ZNF475: variants seen among roughly 807,000 people sequenced by gnomAD.
The protein encoded by ZNF475 is zinc finger protein 475.
At chr5:122,163,345 A>G in the ZNF475 span, 17 of 152,374 alleles carry the variant, frequency 1.1e-4, 1 homozygote, top group South Asian at 6.2e-4. Flanking sequence ...GTAAATGCTG[A>G]TAATTAGTTG....
chr5:122,178,834 G>A, the ZNF475 span, among the ~76,000 whole-genome samples: 3 of 152,094 alleles, frequency 2.0e-5, no homozygotes, highest in South Asian at 2.1e-4. Flanking sequence ...GAATGGTATT[G>A]CCTAGGTTTT....
the ZNF475 span, among the ~76,000 whole-genome samples, chr5:122,173,443 A>G: frequency 6.6e-6 from 1 of 152,194 alleles, no homozygotes; most frequent in African/African-American, 2.4e-5. Context: ...TAGTGATATT[A>G]TGACTATTTA....
chr5:122,173,542 A>G, the ZNF475 span, among the ~76,000 whole-genome samples: 1 of 152,374 alleles, frequency 6.6e-6, no homozygotes, highest in South Asian at 2.1e-4. Context: ...CCTGTGTGTT[A>G]CACAAACCTG....
the ZNF475 span, among the ~76,000 whole-genome samples, chr5:122,167,187 C>T: frequency 6.6e-6 from 1 of 152,174 alleles, no homozygotes; most frequent in Non-Finnish European, 1.5e-5. Context: ...GACAAGATGC[C>T]ATGCACGTGG....
chr5:122,167,119 G>A, the ZNF475 span, among the ~76,000 whole-genome samples: 1 of 152,148 alleles, frequency 6.6e-6, no homozygotes, highest in South Asian at 2.1e-4. Context: ...AGGAAGGGAT[G>A]CAGTTTCAGC....
At chr5:122,163,794 T>A in the ZNF475 span, among the ~76,000 whole-genome samples, 1 of 152,218 alleles carries the variant, frequency 6.6e-6, no homozygotes, top group African/African-American at 2.4e-5. Flanking sequence ...ATGCTTACTG[T>A]GTGCACAGCG....
At chr5:122,172,405 T>TA in the ZNF475 span, among the ~76,000 whole-genome samples, 2 of 152,166 alleles carry the variant, frequency 1.3e-5, no homozygotes, top group African/African-American at 4.8e-5. Context: ...ATGGCCCCTT[T>TA]AACAATGAAT....
At chr5:122,172,171 T>A in the ZNF475 span, among the ~76,000 whole-genome samples, 1 of 152,218 alleles carries the variant, frequency 6.6e-6, no homozygotes, top group African/African-American at 2.4e-5. Flanking sequence ...TATTAACTAA[T>A]GTTTTTCAAA....
the ZNF475 span, among the ~76,000 whole-genome samples, chr5:122,164,787 C>T: frequency 3.3e-5 from 5 of 152,128 alleles, no homozygotes; most frequent in Non-Finnish European, 7.4e-5. Flanking sequence ...TGTTAGAGGG[C>T]AGAGAAGTCA....
the ZNF475 span, among the ~76,000 whole-genome samples, chr5:122,180,558 G>C: frequency 6.6e-6 from 1 of 152,192 alleles, no homozygotes; most frequent in African/African-American, 2.4e-5. Flanking sequence ...GCTCAGACTT[G>C]CTTATCATAT....
chr5:122,167,786 T>G, the ZNF475 span, among the ~76,000 whole-genome samples: 14 of 152,224 alleles, frequency 9.2e-5, no homozygotes, highest in Non-Finnish European at 1.5e-4. Context: ...CCTTCCAAAA[T>G]TTCTTATATT....
At chr5:122,161,993 AC>A in the ZNF475 span, among the ~76,000 whole-genome samples, 1 of 151,864 alleles carries the variant, frequency 6.6e-6, no homozygotes, top group Non-Finnish European at 1.5e-5. Context: ...AAAAAAAAAA[AC>A]CTTCAGCTAG....
the ZNF475 span, chr5:122,162,436 A>G: frequency 6.6e-6 from 1 of 152,244 alleles, no homozygotes; most frequent in Non-Finnish European, 1.5e-5. Flanking sequence ...TTTCTAGACA[A>G]TCAAACTCTG....
chr5:122,176,508 C>A, the ZNF475 span, among the ~76,000 whole-genome samples: 3 of 152,158 alleles, frequency 2.0e-5, no homozygotes, highest in Admixed American at 6.6e-5. Context: ...TTGTACAGCT[C>A]TATCCTCAGA....
the ZNF475 span, among the ~76,000 whole-genome samples, chr5:122,175,077 T>G: frequency 6.6e-6 from 1 of 152,228 alleles, no homozygotes; most frequent in Non-Finnish European, 1.5e-5. Context: ...AGACAGTTTA[T>G]TGGCATAAGT....
the ZNF475 span, chr5:122,160,194 C>G: frequency 7.8e-7 from 1 of 1,288,276 alleles, no homozygotes; most frequent in Non-Finnish European, 1.0e-6. Context: ...TTGGTGCCAA[C>G]CATGCCTGCA....
chr5:122,178,852 G>A, the ZNF475 span, among the ~76,000 whole-genome samples: 3 of 152,024 alleles, frequency 2.0e-5, no homozygotes, highest in Admixed American at 6.5e-5. Context: ...TTTCTTCTAG[G>A]GTTTTTATGG....
the ZNF475 span, among the ~76,000 whole-genome samples, chr5:122,178,838 A>G: frequency 3.6e-4 from 55 of 152,212 alleles, no homozygotes; most frequent in African/African-American, 1.3e-3. Context: ...GGTATTGCCT[A>G]GGTTTTCTTC....
chr5:122,178,390 A>G, the ZNF475 span, among the ~76,000 whole-genome samples: 10 of 152,174 alleles, frequency 6.6e-5, no homozygotes, highest in Non-Finnish European at 1.3e-4. Flanking sequence ...ATTTCTCCAC[A>G]TCCTCTCCAG....
Sources: allele counts gnomAD v4.1 joint callset (sites outside exome capture counted in the v4.1 genomes callset), GRCh38; gene constraint gnomAD v4.1.1; transcripts MANE v1.5; gene names NCBI Gene and HGNC (gene_info 2026-07-23, HGNC 2026-07-21).